The following KCNAB1 variants were observed in gnomAD, a reference collection of about 807,000 sequenced individuals.
The protein encoded by KCNAB1 is potassium voltage-gated channel subfamily A regulatory beta subunit 1.
In KCNAB1, 35 loss-of-function variants were observed where a neutral mutation model predicts 64.6. The ratio of observed to expected loss-of-function variants is 0.54; its 90% CI spans 0.41 to 0.72. The LOEUF is 0.72. Among genes scored for constraint, KCNAB1 ranks in the 30% least tolerant of loss-of-function variants. KCNAB1 has a pLI of 0.00. For synonymous variants in KCNAB1, 177 were observed against 183.8 expected (o/e 0.96, Z 0.30); for missense variants, 401 against 512.9 (o/e 0.78, Z 2.11).
At chr3:156,304,295 G>A (rs546997081) in intron 1 of KCNAB1, among the ~76,000 whole-genome samples, 2 of 152,096 alleles carry the variant, frequency 1.3e-5, no homozygotes, top group African/African-American at 4.8e-5. Context: ...ATTACCTCAT[G>A]TCAACATCCA....
chr3:156,531,286 T>C (rs1172455143), intron 12 of KCNAB1, 123 bp from the exon 13 acceptor site: 3 of 777,770 alleles, frequency 3.9e-6, no homozygotes, highest in African/African-American at 1.7e-5. Context: ...GGAAGCACTG[T>C]ACATCCTCCA....
rs528546491 is a variant in KCNAB1, at chr3:156,489,674, A to G, written c.658+14854A>G. On this transcript the variant is annotated intron_variant, in intron 8 of 13. Coordinates refer to ENST00000490337, the MANE Select transcript of KCNAB1 (RefSeq NM_172160.3). ...AAAATAAAAAGCTACCCAATACACAACACAGAGACAAAGAAACAGAAATAG... is the reference window on the plus strand; with the variant it reads ...AAAATAAAAAGCTACCCAATACACAGCACAGAGACAAAGAAACAGAAATAG... Among the ~76,000 whole-genome samples the G allele has an allele frequency of 5.9e-5, 9 of 152,262 alleles. No individual in the cohort carries two copies. In the East Asian group the frequency reaches 1.4e-3, roughly 23 times the overall value.
intron 1 of KCNAB1, among the ~76,000 whole-genome samples, chr3:156,208,407 G>C (rs370195214): frequency 6.6e-6 from 1 of 152,206 alleles, no homozygotes; most frequent in Non-Finnish European, 1.5e-5. Context: ...AAGTGCAGCT[G>C]TAGCAGTGTG....
At position 156,289,327 on chromosome 3, in the gene KCNAB1, C is replaced by T. The variant is rs73876140; in HGVS notation, c.276-132289C>T. 3.5e-3 allele frequency among the ~76,000 whole-genome samples: 527 copies of T among 152,324 alleles called. 3 individuals are homozygous for T. The highest frequency in any genetic ancestry group is 0.012 in the African/African-American group (494 of 41,572). ...CTGACCCCTCTAGACGGATGATTAT[C>T]CATTCACTCTGTCTCGCCTCCCAGA... is the stretch of plus-strand genomic sequence containing the variant. On this transcript the variant is annotated intron_variant, in intron 1 of 13. Coordinates refer to ENST00000490337, the MANE Select transcript of KCNAB1 (RefSeq NM_172160.3).
intron 1 of KCNAB1, among the ~76,000 whole-genome samples, chr3:156,134,974 T>C (rs1315474015): frequency 6.6e-6 from 1 of 152,160 alleles, no homozygotes; most frequent in South Asian, 2.1e-4. Flanking sequence ...ATTCAAAATA[T>C]ATAAACAGAT....
chr3:156,315,601 CT>C (rs72377999), intron 1 of KCNAB1, among the ~76,000 whole-genome samples: 2,428 of 148,796 alleles, frequency 0.016, 58 homozygotes, highest in African/African-American at 0.055. Flanking sequence ...CTTACAAAAG[CT>C]TTTTTTTTTA....
intron 1 of KCNAB1, among the ~76,000 whole-genome samples, chr3:156,368,791 C>T (rs1054727400): frequency 3.9e-5 from 6 of 152,154 alleles, no homozygotes; most frequent in East Asian, 1.9e-4. Context: ...CACAGTGCCC[C>T]GTGTACAAGA....
intron 3 of KCNAB1, among the ~76,000 whole-genome samples, chr3:156,455,809 A>G (rs1216027372): frequency 1.3e-5 from 2 of 152,176 alleles, no homozygotes; most frequent in Non-Finnish European, 1.5e-5. Flanking sequence ...CTAGGCCTCA[A>G]TTAGAACAGT....
At chr3:156,241,630 G>A (rs568975921) in intron 1 of KCNAB1, among the ~76,000 whole-genome samples, 56 of 152,272 alleles carry the variant, frequency 3.7e-4, no homozygotes, top group African/African-American at 1.2e-3. Flanking sequence ...TGCTCCCCCT[G>A]GGGCTGCGTG....
intron 1 of KCNAB1, among the ~76,000 whole-genome samples, chr3:156,140,315 C>T (rs1463347791): frequency 2.0e-5 from 3 of 152,176 alleles, no homozygotes; most frequent in African/African-American, 7.2e-5. Flanking sequence ...TTAGTTCAGG[C>T]TGTTACCATA....
At chr3:156,185,376 C>T (rs1713118311) in intron 1 of KCNAB1, among the ~76,000 whole-genome samples, 1 of 152,220 alleles carries the variant, frequency 6.6e-6, no homozygotes, top group African/African-American at 2.4e-5. Context: ...TCCTGGGCTT[C>T]ACTTTCTCCC....
In KCNAB1 at chr3:156,515,098, A is replaced by G; in HGVS notation, c.745-2A>G. 1 of 1,600,974 alleles carries G rather than the reference A, an allele frequency of 6.2e-7. No homozygotes were observed. Among genetic ancestry groups the G allele is most frequent in the Non-Finnish European group, 8.5e-7 (1 of 1,175,180 alleles). On this transcript the variant is annotated splice_acceptor_variant, in intron 9 of 13. Transcript: ENST00000490337. LOFTEE classifies it high-confidence loss of function. ...TTTGGTTGTAATCTCATTCCTCCCT[A>G]GGAAGCCTATTCTGTAGCAAGACAG...
chr3:156,457,868 G>A (rs2293200), intron 4 of KCNAB1, among the ~76,000 whole-genome samples: 91,238 of 152,110 alleles, frequency 0.6, 29,232 homozygotes, highest in African/African-American at 0.84. Flanking sequence ...AGTTGAATAC[G>A]TGAGTGACCA....
chr3:156,447,921 A>C (rs1711699607), intron 2 of KCNAB1, among the ~76,000 whole-genome samples: 1 of 152,244 alleles, frequency 6.6e-6, no homozygotes, highest in African/African-American at 2.4e-5. Context: ...CAAGCAAGGC[A>C]GTCATTTAAA....
intron 1 of KCNAB1, among the ~76,000 whole-genome samples, chr3:156,169,798 A>G (rs538592946): frequency 1.9e-3 from 290 of 152,310 alleles, no homozygotes; most frequent in African/African-American, 6.7e-3. Flanking sequence ...GCCTTCGGCC[A>G]TGATTGTAGG....
At chr3:156,502,687 C>A (rs936319630) in intron 8 of KCNAB1, among the ~76,000 whole-genome samples, 4 of 151,958 alleles carry the variant, frequency 2.6e-5, no homozygotes, top group Non-Finnish European at 5.9e-5. Flanking sequence ...GGGAAATATC[C>A]CACATCAGGG....
chr3:156,353,442 A>T (rs953598936), intron 1 of KCNAB1, among the ~76,000 whole-genome samples: 2 of 152,246 alleles, frequency 1.3e-5, no homozygotes, highest in African/African-American at 2.4e-5. Context: ...TGGAGGTTGT[A>T]TCAGTTGTCT....
intron 1 of KCNAB1, among the ~76,000 whole-genome samples, chr3:156,410,475 C>T (rs139197991): frequency 7.9e-5 from 12 of 152,346 alleles, no homozygotes; most frequent in African/African-American, 2.4e-4. Context: ...GTCCCTCCAA[C>T]ATTCTGGTAG....
At chr3:156,330,044 A>G (rs1560199220) in intron 1 of KCNAB1, among the ~76,000 whole-genome samples, 1 of 152,164 alleles carries the variant, frequency 6.6e-6, no homozygotes, top group Non-Finnish European at 1.5e-5. Context: ...CCCGAAATAG[A>G]ATTAAATTTT....
Sources: allele counts gnomAD v4.1 joint callset (sites outside exome capture counted in the v4.1 genomes callset), GRCh38; gene constraint gnomAD v4.1.1; transcripts MANE v1.5; gene names NCBI Gene and HGNC (gene_info 2026-07-23, HGNC 2026-07-21).